TRIO: variants seen among roughly 807,000 people sequenced by gnomAD.
TRIO encodes the protein trio Rho guanine nucleotide exchange factor.
TRIO carries 58 observed loss-of-function variants against 351.9 expected under a neutral mutation model. The ratio of observed to expected loss-of-function variants is 0.16; its 90% CI spans 0.13 to 0.21. The LOEUF (loss-of-function observed/expected upper bound fraction) is 0.21, where lower values mean the gene tolerates loss of function less well. Among genes scored for constraint, TRIO ranks in the 10% least tolerant of loss-of-function variants. TRIO has a pLI of 1.00. For synonymous variants in TRIO, 1,758 were observed against 1,595.7 expected (o/e 1.10, Z -2.42); for missense variants, 3,201 against 4,027.8 (o/e 0.79, Z 5.56).
At chr5:14,383,901 A>C (rs1746326965) in intron 21 of TRIO, among the ~76,000 whole-genome samples, 1 of 152,208 alleles carries the variant, frequency 6.6e-6, no homozygotes, top group Non-Finnish European at 1.5e-5. Flanking sequence ...TAGCTCTGAA[A>C]GGAAAGTCTT....
intron 15 of TRIO, among the ~76,000 whole-genome samples, chr5:14,366,473 T>A (rs1579443047): frequency 6.6e-6 from 1 of 152,214 alleles, no homozygotes; most frequent in East Asian, 1.9e-4. Flanking sequence ...ATTTGCCAAT[T>A]TTTCAGTCCT....
At chr5:14,204,867 C>T (rs1791358980) in intron 1 of TRIO, among the ~76,000 whole-genome samples, 1 of 152,102 alleles carries the variant, frequency 6.6e-6, no homozygotes, top group African/African-American at 2.4e-5. Context: ...TCGGATGATT[C>T]AGTGATTTAA....
At chr5:14,344,511 A>G (rs2152325635) in intron 11 of TRIO, among the ~76,000 whole-genome samples, 1 of 152,334 alleles carries the variant, frequency 6.6e-6, no homozygotes, top group Non-Finnish European at 1.5e-5. Flanking sequence ...ATATAGGATA[A>G]TACAATCTCT....
chr5:14,292,956 G>C, intron 5 of TRIO, 56 bp from the exon 6 acceptor site: 3 of 1,611,168 alleles, frequency 1.9e-6, no homozygotes, highest in African/African-American at 1.3e-5. Flanking sequence ...CTGTGGGCTT[G>C]TGTCAGTAAT....
chr5:14,287,630 A>T (rs1035465340), intron 4 of TRIO, among the ~76,000 whole-genome samples: 3 of 152,170 alleles, frequency 2.0e-5, no homozygotes, highest in Non-Finnish European at 4.4e-5. Context: ...CAAAACCCTC[A>T]GCCCACTAAT....
At chr5:14,388,485 C>A in intron 23 of TRIO, 128 bp from the exon 24 acceptor site, 2 of 890,178 alleles carry the variant, frequency 2.2e-6, no homozygotes, top group Non-Finnish European at 3.5e-6. Context: ...TTGTGATTCA[C>A]CTCTCCAAAA....
At chr5:14,152,848 C>A (rs1308975282) in intron 1 of TRIO, among the ~76,000 whole-genome samples, 8 of 152,226 alleles carry the variant, frequency 5.3e-5, no homozygotes, top group Non-Finnish European at 1.2e-4. Flanking sequence ...GAGAGCAGCT[C>A]TTCATGGCAG....
intron 31 of TRIO, 91 bp from the exon 32 acceptor site, chr5:14,405,757 A>T (rs1204434972): frequency 3.5e-6 from 5 of 1,440,832 alleles, no homozygotes; most frequent in Non-Finnish European, 4.6e-6. Context: ...TGAAAATAGA[A>T]ACTCAAGGAA....
intron 40 of TRIO, 89 bp from the exon 41 acceptor site, chr5:14,476,791 CAAAAAAAAAAAAGA>C: frequency 1.2e-6 from 1 of 834,348 alleles, no homozygotes; most frequent in Non-Finnish European, 1.7e-6. Context: ...GACACTCTCT[CAAAAAAAAAAAAGA>C]AAAAAAGAAA....
At chr5:14,218,281 G>T (rs1561214593) in intron 1 of TRIO, among the ~76,000 whole-genome samples, 1 of 152,190 alleles carries the variant, frequency 6.6e-6, no homozygotes, top group Admixed American at 6.5e-5. Flanking sequence ...TTAGGGTGGT[G>T]CCTGGACAGA....
chr5:14,370,016 G>A (rs575782479), intron 18 of TRIO, among the ~76,000 whole-genome samples: 3 of 152,318 alleles, frequency 2.0e-5, no homozygotes, highest in East Asian at 1.9e-4. Context: ...AAATGCTTCC[G>A]ACAAGAGAAA....
intron 49 of TRIO, 54 bp downstream of exon 49, chr5:14,492,868 G>A: frequency 1.3e-6 from 2 of 1,595,806 alleles, no homozygotes; most frequent in East Asian, 2.2e-5. Flanking sequence ...AGGGGGCACA[G>A]CACCCGTGAG....
chr5:14,146,845 G>T (rs927871045), intron 1 of TRIO, among the ~76,000 whole-genome samples: 3 of 152,172 alleles, frequency 2.0e-5, no homozygotes, highest in African/African-American at 7.2e-5. Flanking sequence ...CCTCTGCTGA[G>T]CGTCCACCCA....
At chr5:14,190,179 A>G (rs1293322267) in intron 1 of TRIO, among the ~76,000 whole-genome samples, 1 of 152,142 alleles carries the variant, frequency 6.6e-6, no homozygotes, top group Admixed American at 6.5e-5. Flanking sequence ...AGAGAAATCT[A>G]TTCCAAAGGA....
At chr5:14,360,326 C>T (rs1208954496) in intron 13 of TRIO, among the ~76,000 whole-genome samples, 5 of 152,074 alleles carry the variant, frequency 3.3e-5, no homozygotes, top group African/African-American at 4.8e-5. Context: ...TGATACCATG[C>T]GAGCAGAAGT....
intron 2 of TRIO, 110 bp downstream of exon 2, chr5:14,271,009 T>C (rs897633858): frequency 1.3e-6 from 1 of 795,316 alleles, no homozygotes; most frequent in African/African-American, 1.7e-5. Context: ...TTGGCATTTC[T>C]ATGAATTTTG....
chr5:14,502,734 C>A (rs1261678071), intron 54 of TRIO, 77 bp downstream of exon 54: 2 of 1,404,026 alleles, frequency 1.4e-6, no homozygotes, highest in Non-Finnish European at 2.0e-6. Context: ...AGGGATAAAG[C>A]TAAGCAGTGT....
chr5:14,306,919 A>G (rs963369441), intron 8 of TRIO, among the ~76,000 whole-genome samples: 33 of 152,276 alleles, frequency 2.2e-4, no homozygotes, highest in Admixed American at 1.9e-3. Context: ...AGTATCTCAA[A>G]ATAATTTGAT....
At chr5:14,443,195 A>G (rs1752196857) in intron 34 of TRIO, among the ~76,000 whole-genome samples, 2 of 152,174 alleles carry the variant, frequency 1.3e-5, no homozygotes, top group Non-Finnish European at 2.9e-5. Context: ...GTGTTCTTCA[A>G]GCTGTCACCT....
Sources: allele counts gnomAD v4.1 joint callset (sites outside exome capture counted in the v4.1 genomes callset), GRCh38; gene constraint gnomAD v4.1.1; transcripts MANE v1.5; gene names NCBI Gene and HGNC (gene_info 2026-07-23, HGNC 2026-07-21).